Variants in GOLM2 observed in about 807,000 individuals in gnomAD.
GOLM2 encodes protein GOLM2.
Under a neutral mutation model 55.9 loss-of-function variants are expected in GOLM2, and 26 were observed. The observed-to-expected ratio is 0.47, with a 90% CI of 0.34 to 0.65. The LOEUF is 0.65. Ranked by LOEUF, GOLM2 falls within the 30% of genes least tolerant of loss-of-function variation. GOLM2 has a pLI of 0.01. For missense variants in GOLM2, 486 were observed against 531.8 expected, an observed-to-expected ratio of 0.91 and a Z score of 0.85; for synonymous variants, 165 against 194.6, an observed-to-expected ratio of 0.85 and a Z score of 1.27.
chr15:44,385,087 G>C (rs1395668856), intron 8 of GOLM2, among the ~76,000 whole-genome samples: 1 of 152,052 alleles, frequency 6.6e-6, no homozygotes, highest in South Asian at 2.1e-4. Flanking sequence ...ATCTGTTGAT[G>C]TATATATGGG....
chr15:44,366,043 ATC>A (rs1567036299), intron 6 of GOLM2, among the ~76,000 whole-genome samples: 1 of 152,124 alleles, frequency 6.6e-6, no homozygotes. Context: ...CACGCCTGTA[ATC>A]CCAGCACTTT....
chr15:44,351,501 CG>C lies in GOLM2; in HGVS notation c.802+13187del, dbSNP rs534473996. 3.6e-3 allele frequency among the ~76,000 whole-genome samples: 521 copies of C among 143,640 alleles called. 6 individuals carry two copies. Among genetic ancestry groups the C allele is most frequent in the Non-Finnish European group, 2.4e-3 (157 of 66,372 alleles). The allele number at this position is 143,640 out of a possible 152,430, so 94.2% of individuals were successfully genotyped here. A position where few individuals can be genotyped will look rare whatever the true frequency, so the allele number is the denominator to read the frequency against. On this transcript the variant is annotated intron_variant, in intron 6 of 9. Coordinates refer to ENST00000299957, the MANE Select transcript of GOLM2 (RefSeq NM_138423.4). Reference sequence around the variant, plus strand: ...ATGAGGCAGGAGAATGGCGTGAACCCGGGAGGCACAGCTTGCAGTGAGCTGA... The same window carrying C: ...ATGAGGCAGGAGAATGGCGTGAACCCGGAGGCACAGCTTGCAGTGAGCTGA...
At chr15:44,368,442 C>A (rs188181342) in intron 6 of GOLM2, among the ~76,000 whole-genome samples, 1 of 151,836 alleles carries the variant, frequency 6.6e-6, no homozygotes, top group Non-Finnish European at 1.5e-5. Context: ...TGATATTATC[C>A]CAAACATCAC....
At chr15:44,312,480 T>C (rs1346344835) in intron 1 of GOLM2, among the ~76,000 whole-genome samples, 1 of 152,124 alleles carries the variant, frequency 6.6e-6, no homozygotes, top group African/African-American at 2.4e-5. Context: ...TACCCATCTG[T>C]CTTTCCTCTT....
intron 6 of GOLM2, among the ~76,000 whole-genome samples, chr15:44,341,402 T>A (rs1215984127): frequency 1.3e-5 from 2 of 152,042 alleles, no homozygotes; most frequent in Non-Finnish European, 2.9e-5. Flanking sequence ...CTTTTCAAGT[T>A]AAAATTTTAT....
intron 9 of GOLM2, among the ~76,000 whole-genome samples, chr15:44,409,326 G>T (rs2079619506): frequency 6.6e-6 from 1 of 151,014 alleles, no homozygotes; most frequent in Admixed American, 6.6e-5. Flanking sequence ...GGTGGGTCAT[G>T]CCTGTAATCT....
chr15:44,358,819 C>T (rs930269606), intron 6 of GOLM2, among the ~76,000 whole-genome samples: 9 of 152,090 alleles, frequency 5.9e-5, no homozygotes, highest in Non-Finnish European at 8.8e-5. Context: ...ACCAAAGTAG[C>T]GATCCATGAA....
intron 1 of GOLM2, among the ~76,000 whole-genome samples, chr15:44,296,282 T>G (rs1412654400): frequency 6.6e-6 from 1 of 152,192 alleles, no homozygotes; most frequent in Non-Finnish European, 1.5e-5. Context: ...CTGTGGCACG[T>G]CAAGCTCTTG....
At chr15:44,305,424 G>A (rs1318103575) in intron 1 of GOLM2, among the ~76,000 whole-genome samples, 3 of 151,806 alleles carry the variant, frequency 2.0e-5, no homozygotes, top group Non-Finnish European at 2.9e-5. Flanking sequence ...TTCAGCCTCC[G>A]AGTAGCTGGG....
chr15:44,365,564 G>T (rs2079278012), intron 6 of GOLM2, among the ~76,000 whole-genome samples: 1 of 151,984 alleles, frequency 6.6e-6, no homozygotes, highest in Non-Finnish European at 1.5e-5. Context: ...ATTACTAAAT[G>T]AAAAAAGCCA....
chr15:44,334,066 C>T (rs1044059581), intron 4 of GOLM2, among the ~76,000 whole-genome samples: 4 of 151,990 alleles, frequency 2.6e-5, no homozygotes, highest in African/African-American at 9.7e-5. Flanking sequence ...CCTTTTTTTC[C>T]AAGCCAGTGT....
chr15:44,365,933 C>G (rs563355561), intron 6 of GOLM2, among the ~76,000 whole-genome samples: 19 of 152,246 alleles, frequency 1.2e-4, no homozygotes, highest in African/African-American at 4.3e-4. Context: ...TATCCATGGC[C>G]ATGTATGGGA....
chr15:44,369,076 TA>T (rs2079308266), intron 6 of GOLM2, among the ~76,000 whole-genome samples: 1 of 52,326 alleles, frequency 1.9e-5, no homozygotes, highest in African/African-American at 1.0e-4. Flanking sequence ...ATTATATATA[TA>T]TATATATATA....
At position 44,415,092 on chromosome 15, in the gene GOLM2, GT is replaced by G. The variant is rs2141225381; in HGVS notation, c.*1688del. The G allele has an allele frequency of 6.6e-6, 1 of 152,590 alleles. No individual in the cohort carries two copies. Among genetic ancestry groups the G allele is most frequent in the South Asian group, 2.1e-4 (1 of 4,826 alleles). The allele number at this position is 152,590 out of a possible 1,614,324, so 9.5% of individuals were successfully genotyped here. On this transcript the variant is annotated 3_prime_UTR_variant, in exon 10 of 10. Coordinates refer to ENST00000299957, the MANE Select transcript of GOLM2 (RefSeq NM_138423.4). ...CAAACTTATAGTGGTAAAGAAACAG[GT>G]TGTTCACTTGCTGAGGTGCAAAAAT...
chr15:44,359,381 A>G (rs2079220857), intron 6 of GOLM2, among the ~76,000 whole-genome samples: 1 of 151,998 alleles, frequency 6.6e-6, no homozygotes, highest in African/African-American at 2.4e-5. Context: ...AGTTCAGGAG[A>G]TCGAGACCAT....
intron 1 of GOLM2, among the ~76,000 whole-genome samples, chr15:44,322,292 G>T (rs966751920): frequency 6.6e-6 from 1 of 152,128 alleles, no homozygotes; most frequent in Non-Finnish European, 1.5e-5. Context: ...TCTTGAACCT[G>T]GGAGGTGGAG....
chr15:44,379,644 T>C, intron 6 of GOLM2, 46 bp from the exon 7 acceptor site: 1 of 440,466 alleles, frequency 2.3e-6, no homozygotes, highest in East Asian at 4.5e-5. Flanking sequence ...TTTTTAGAAA[T>C]CATAGTATCA....
At chr15:44,322,883 T>C in intron 1 of GOLM2, 82 bp from the exon 2 acceptor site, 1 of 902,368 alleles carries the variant, frequency 1.1e-6, no homozygotes, top group Non-Finnish European at 1.7e-6. Context: ...GCATTTATGA[T>C]CAAGCTCAAA....
At chr15:44,343,580 C>T (rs1481846668) in intron 6 of GOLM2, among the ~76,000 whole-genome samples, 1 of 151,814 alleles carries the variant, frequency 6.6e-6, no homozygotes, top group Non-Finnish European at 1.5e-5. Flanking sequence ...AATCCCAGCA[C>T]TTTAGGAGGC....
Sources: gnomAD v4.1 joint callset for allele counts (sites outside exome capture counted in the v4.1 genomes callset) on GRCh38, gnomAD v4.1.1 for gene constraint, MANE v1.5 for transcripts, NCBI Gene and HGNC (gene_info 2026-07-23, HGNC 2026-07-21) for gene names.